Variants in NCKAP5L observed in about 807,000 individuals in gnomAD.
NCKAP5L encodes the protein NCK associated protein 5 like, also known as nck-associated protein 5-like.
In NCKAP5L, 54 loss-of-function variants were observed where a neutral mutation model predicts 103.2. The observed-to-expected ratio is 0.52, with a 90% CI of 0.42 to 0.66. The LOEUF is 0.66. Among genes scored for constraint, NCKAP5L ranks in the 30% least tolerant of loss-of-function variants. The probability of loss-of-function intolerance (pLI) is 0.00; values close to 1 mark genes in which losing one functional copy is unlikely to be tolerated. For missense variants in NCKAP5L, 1,733 were observed against 1,750.6 expected, an observed-to-expected ratio of 0.99 and a Z score of 0.18; for synonymous variants, 762 against 748.6, an observed-to-expected ratio of 1.02 and a Z score of -0.29.
chr12:49,824,999 C>T (rs555085197), intron 1 of NCKAP5L, among the ~76,000 whole-genome samples: 3 of 152,196 alleles, frequency 2.0e-5, no homozygotes, highest in Non-Finnish European at 4.4e-5. Flanking sequence ...GCCAGGCTAC[C>T]TCATGCATAA....
chr12:49,798,363 G>A lies in NCKAP5L; in HGVS notation c.452C>T (p.Ala151Val). 2 of 1,560,810 alleles carry A rather than the reference G, an allele frequency of 1.3e-6. No individual in the cohort carries two copies. The highest frequency in any genetic ancestry group is 1.9e-5 in the Admixed American group (1 of 51,876). Residue 151 changes from alanine (A) to valine (V), a missense_variant, in exon 7 of 13, where the codon GCT becomes GTT. Transcript: ENST00000335999. ...PAAPLPLGHCAGQREVCWEQQ... is the reference protein window; with the variant it reads ...PAAPLPLGHCVGQREVCWEQQ... The stretch of plus-strand genomic sequence containing the variant: ...TAGCCCTCCTACCTCTCTCTGCCCA[G>A]CACAGTGCCCCAGAGGCAGCGGGGC...
intron 1 of NCKAP5L, among the ~76,000 whole-genome samples, chr12:49,826,203 G>C (rs1018118899): frequency 1.3e-5 from 2 of 152,140 alleles, no homozygotes; most frequent in African/African-American, 2.4e-5. Flanking sequence ...CCTCCTATAA[G>C]AGGGCGGGTG....
At chr12:49,823,201 T>C (rs1946379790) in intron 1 of NCKAP5L, among the ~76,000 whole-genome samples, 1 of 151,816 alleles carries the variant, frequency 6.6e-6, no homozygotes, top group Non-Finnish European at 1.5e-5. Flanking sequence ...TCTAGGTCCC[T>C]GGGAAGGGGG....
rs77209020 is a variant in NCKAP5L at position 49,793,577 on chromosome 12, G to A, written c.3259-144C>T. 215 of 1,237,878 alleles carry A rather than the reference G, an allele frequency of 1.7e-4. No individual in the cohort carries two copies. In the African/African-American group the frequency reaches 2.7e-3, roughly 16 times the overall value. 76.7% of individuals were successfully genotyped at this position (1,237,878 alleles called of 1,614,324 possible). A position where few individuals can be genotyped will look rare whatever the true frequency, so the allele number is the denominator to read the frequency against. On this transcript the variant is annotated intron_variant, in intron 9 of 12. Coordinates refer to ENST00000335999, the MANE Select transcript of NCKAP5L (RefSeq NM_001037806.4). ...GAGTATGGATCTGAGAGCCCCTGCA[G>A]ACTGGGAAGCCCCTCTCCCCTCCCC...
At chr12:49,808,386 T>C (rs933041947) in intron 1 of NCKAP5L, among the ~76,000 whole-genome samples, 1 of 152,148 alleles carries the variant, frequency 6.6e-6, no homozygotes, top group Non-Finnish European at 1.5e-5. Context: ...GGGCCTCCTC[T>C]GCATCTGCAG....
chr12:49,800,444 C>G (rs1183103397), intron 6 of NCKAP5L, among the ~76,000 whole-genome samples: 1 of 152,226 alleles, frequency 6.6e-6, no homozygotes, highest in Non-Finnish European at 1.5e-5. Flanking sequence ...GTCAAAGGCA[C>G]TGCTCACAGT....
Position 49,810,590 on chromosome 12 carries a change from T to C in NCKAP5L, c.-98-4549A>G, listed in dbSNP as rs1946229258. 6.6e-5 allele frequency among the ~76,000 whole-genome samples: 10 copies of C among 152,168 alleles called. 1 individual carries two copies. The highest frequency in any genetic ancestry group is 6.5e-4 in the Admixed American group (10 of 15,278). On this transcript the variant is annotated intron_variant, in intron 1 of 12. Coordinates refer to ENST00000335999, the MANE Select transcript of NCKAP5L (RefSeq NM_001037806.4). ...ACACTATCTGCCTTTATTACTCTCA[T>C]TCTCTCCTGAGTGTACAGTGGCATT... is the stretch of plus-strand genomic sequence containing the variant.
At chr12:49,793,526 A>G (rs1008047129) in intron 9 of NCKAP5L, 93 bp from the exon 10 acceptor site, 35 of 1,373,668 alleles carry the variant, frequency 2.5e-5, no homozygotes, top group Non-Finnish European at 3.4e-5. Flanking sequence ...CTGTAAACAT[A>G]TGAGAGTATG....
At chr12:49,805,048 C>T (rs1375072233) in intron 2 of NCKAP5L, 6 of 152,312 alleles carry the variant, frequency 3.9e-5, no homozygotes, top group Admixed American at 2.0e-4. Context: ...AGCTAGGCCC[C>T]GTCAGATCAG....
At position 49,796,209 on chromosome 12, in the gene NCKAP5L, C is replaced by A; in HGVS notation, c.1651G>T (p.Val551Leu). ...ALSTTLSPGP[V>L]VSPCYENILD... ...ATGTTCTCATAGCAGGGAGACACCA[C>A]TGGGCCTGGGGACAGCGTGGTGGAC... Residue 551 changes from valine (V) to leucine (L), a missense_variant, in exon 8 of 13, where the codon GTG (valine) becomes TTG (leucine). Physicochemically the swap from Val to Leu is conservative, Grantham distance 32. Transcript: ENST00000335999. The A allele has an allele frequency of 6.3e-7, 1 of 1,595,428 alleles. No homozygotes were observed. The highest frequency in any genetic ancestry group is 8.5e-7 in the Non-Finnish European group (1 of 1,171,400).
At chr12:49,819,213 G>A (rs929733868) in intron 1 of NCKAP5L, among the ~76,000 whole-genome samples, 12 of 151,790 alleles carry the variant, frequency 7.9e-5, no homozygotes, top group Admixed American at 5.3e-4. Context: ...CTGGGAGGCC[G>A]AGGCGGGAGA....
Position 49,792,975 on chromosome 12 carries a change from A to G in NCKAP5L, c.3352T>C (p.Leu1118=). ...ATGCCACTGTCCAAGGTTCGAGTCA[A>G]GGAGCCACAGGCTGGGGAGGGGAGG... ...PTSHFTACGS[L]TRTLDSGIGT... Residue 1118 remains leucine (L), a synonymous_variant, in exon 11 of 13, where the codon TTG becomes CTG. Coordinates refer to ENST00000335999, the MANE Select transcript of NCKAP5L (RefSeq NM_001037806.4). This position sits in a 1 kb window ranked among gnomAD's most constrained non-coding sequence, Gnocchi z 4.5. The G allele has an allele frequency of 6.5e-7, 1 of 1,544,504 alleles. No homozygotes were observed. The highest frequency in any genetic ancestry group is 1.2e-5 in the South Asian group (1 of 81,450).
intron 1 of NCKAP5L, among the ~76,000 whole-genome samples, chr12:49,812,470 G>A (rs545042001): frequency 1.3e-5 from 2 of 151,350 alleles, no homozygotes; most frequent in African/African-American, 2.4e-5. Context: ...TGTAACCTCC[G>A]CCGCTCAGGT....
chr12:49,800,180 A>C (rs1946103262), intron 6 of NCKAP5L, among the ~76,000 whole-genome samples: 1 of 152,208 alleles, frequency 6.6e-6, no homozygotes, highest in South Asian at 2.1e-4. Context: ...GGGCAACAAG[A>C]GTGAAACTCC....
At position 49,797,110 on chromosome 12, in the gene NCKAP5L, G is replaced by C; in HGVS notation, c.750C>G (p.Asn250Lys). The change falls in exon 8 of 13, where the codon AAC becomes AAG. Residue 250 changes from asparagine to lysine, a missense_variant. Physicochemically the swap from Asn to Lys is moderately conservative, Grantham distance 94. Coordinates refer to ENST00000335999, the MANE Select transcript of NCKAP5L (RefSeq NM_001037806.4). The surrounding 1 kb of genome is among the most constrained non-coding windows in gnomAD (Gnocchi z 4.5). ...GCTCCCAGTGCAGCAGGCCTCCCAG[G>C]TTGCCAGGGCCTAGCAGCAGGCAGG... The part of the protein sequence containing the change: ...WAPCLLLGPG[N>K]LGGLLHWERL... The C allele has an allele frequency of 6.3e-7, 1 of 1,595,966 alleles. No individual in the cohort carries two copies. The highest frequency in any genetic ancestry group is 8.5e-7 in the Non-Finnish European group (1 of 1,171,684).
At chr12:49,813,520 C>T (rs1592758463) in intron 1 of NCKAP5L, among the ~76,000 whole-genome samples, 2 of 152,102 alleles carry the variant, frequency 1.3e-5, no homozygotes, top group East Asian at 1.9e-4. Flanking sequence ...TGTGAGAATT[C>T]TTTATTTTTA....
Position 49,803,100 on chromosome 12 carries a change from G to A in NCKAP5L, c.189C>T (p.Asp63=), listed in dbSNP as rs371070854. The A allele has an allele frequency of 7.4e-5, 120 of 1,614,124 alleles. No homozygotes were observed. The South Asian group carries it at 9.8e-4, about 13-fold the overall frequency. ...NQRETYERCL[D]EVANHVVQAL... is the part of the protein sequence containing the mutation. The stretch of plus-strand genomic sequence containing the variant: ...GTCCCACTACAGACCCACAGACCTC[G>A]TCCAGACAGCGCTCATAAGTCTCCC... Residue 63 remains aspartate (D), a synonymous_variant, in exon 4 of 13, where the codon GAC becomes GAT. Coordinates refer to ENST00000335999, the MANE Select transcript of NCKAP5L (RefSeq NM_001037806.4).
chr12:49,810,692 A>G (rs1946230799), intron 1 of NCKAP5L, among the ~76,000 whole-genome samples: 2 of 152,246 alleles, frequency 1.3e-5, no homozygotes, highest in Non-Finnish European at 2.9e-5. Flanking sequence ...TCCTTCTATT[A>G]AGTCAGACAG....
At chr12:49,824,399 G>C (rs1376589369) in intron 1 of NCKAP5L, among the ~76,000 whole-genome samples, 1 of 152,248 alleles carries the variant, frequency 6.6e-6, no homozygotes, top group Non-Finnish European at 1.5e-5. Context: ...AAATGGGGAA[G>C]ACTGCTTCTT....
Sources: gnomAD v4.1 joint callset for allele counts (sites outside exome capture counted in the v4.1 genomes callset) on GRCh38, gnomAD v4.1.1 for gene constraint, Gnocchi (gnomAD v3.1) non-coding constraint, MANE v1.5 for transcripts, NCBI Gene and HGNC (gene_info 2026-07-23, HGNC 2026-07-21) for gene names.